The following ATRNL1 variants were observed in gnomAD, a reference collection of about 807,000 sequenced individuals.
ATRNL1 encodes attractin-like protein 1.
ATRNL1 carries 95 observed loss-of-function variants against 182.7 expected under a neutral mutation model. The observed-to-expected ratio is 0.52, with a 90% CI of 0.44 to 0.62. The LOEUF (loss-of-function observed/expected upper bound fraction) is 0.62, where lower values mean the gene tolerates loss of function less well. Ranked by LOEUF, ATRNL1 falls within the 20% of genes least tolerant of loss-of-function variation. The pLI, the probability that ATRNL1 is intolerant of heterozygous loss-of-function variation, is 0.00. For missense variants in ATRNL1, 1,471 were observed against 1,679.5 expected, an observed-to-expected ratio of 0.88 and a Z score of 2.17; for synonymous variants, 576 against 568.3, an observed-to-expected ratio of 1.01 and a Z score of -0.19.
At chr10:115,210,135 T>C (rs1211095942) in intron 8 of ATRNL1, among the ~76,000 whole-genome samples, 3 of 151,978 alleles carry the variant, frequency 2.0e-5, no homozygotes, top group Non-Finnish European at 4.4e-5. Context: ...GTAGTGAACA[T>C]TATATTTTTA....
chr10:115,250,942 C>T (rs1486638156), intron 10 of ATRNL1, among the ~76,000 whole-genome samples: 3 of 152,132 alleles, frequency 2.0e-5, no homozygotes, highest in East Asian at 1.9e-4. Flanking sequence ...CAAAAGAGGG[C>T]GGAATTAATA....
intron 26 of ATRNL1, among the ~76,000 whole-genome samples, chr10:115,661,259 G>A (rs138033368): frequency 0.012 from 1,784 of 152,076 alleles, 36 homozygotes; most frequent in African/African-American, 0.04. Context: ...ACTGTCAAAC[G>A]TATGTCCTTT....
At chr10:115,566,909 G>A (rs1359912784) in intron 26 of ATRNL1, among the ~76,000 whole-genome samples, 1 of 151,862 alleles carries the variant, frequency 6.6e-6, no homozygotes, top group Non-Finnish European at 1.5e-5. Flanking sequence ...AAAACAATGA[G>A]TATCAACACA....
chr10:115,214,390 T>G (rs1554895723), intron 8 of ATRNL1, among the ~76,000 whole-genome samples: 1 of 151,968 alleles, frequency 6.6e-6, no homozygotes, highest in East Asian at 1.9e-4. Context: ...ACTTCATTTT[T>G]TGGAAATTAC....
intron 1 of ATRNL1, among the ~76,000 whole-genome samples, chr10:115,118,574 T>A (rs111493630): frequency 1.6e-4 from 24 of 152,220 alleles, no homozygotes; most frequent in African/African-American, 5.5e-4. Context: ...TACACCACTA[T>A]TTTAATAGCA....
In ATRNL1 at chr10:115,461,370, T is replaced by G. The variant is rs184317016; in HGVS notation, c.3323-571T>G. 2.2e-3 allele frequency among the ~76,000 whole-genome samples: 338 copies of G among 152,208 alleles called. 1 individual carries two copies. Among genetic ancestry groups the G allele is most frequent in the African/African-American group, 7.7e-3 (319 of 41,578 alleles). ...CTTTTCCCAGAATTCCTTGTATCAT[T>G]GTGAATAAAGGTCATATCTGTAAAA... On this transcript the variant is annotated intron_variant, in intron 21 of 28. Transcript: ENST00000355044.
rs1185627370 is a variant in ATRNL1 at position 115,753,329 on chromosome 10, C to T, written c.3903+25974C>T. On this transcript the variant is annotated intron_variant, in intron 27 of 28. Coordinates refer to ENST00000355044, the MANE Select transcript of ATRNL1 (RefSeq NM_207303.4). ...TCCTAATGCTATCCCTCCCCTAGTG[C>T]CTCATTCCCCAACAGGCCCCAGTGT... is the stretch of plus-strand genomic sequence containing the variant. Among the ~76,000 whole-genome samples, 6 of 15,306 alleles carry T rather than the reference C, an allele frequency of 3.9e-4. No individual in the cohort carries two copies. In the Non-Finnish European group the frequency reaches 4.6e-3, roughly 12 times the overall value. 10.0% of individuals were successfully genotyped at this position (15,306 alleles called of 152,430 possible).
chr10:115,900,809 G>A (rs1459679968), intron 28 of ATRNL1, among the ~76,000 whole-genome samples: 33 of 152,224 alleles, frequency 2.2e-4, no homozygotes, highest in African/African-American at 7.0e-4. Context: ...TATATGAAGA[G>A]CACCTATAAT....
At chr10:115,128,267 A>G (rs1289202671) in intron 4 of ATRNL1, 1 of 153,380 alleles carries the variant, frequency 6.5e-6, no homozygotes, top group African/African-American at 2.4e-5. Context: ...AAGAAAAGTA[A>G]TATTCATTGA....
chr10:115,235,274 T>C (rs1801072159), intron 9 of ATRNL1, among the ~76,000 whole-genome samples: 1 of 152,200 alleles, frequency 6.6e-6, no homozygotes, highest in Non-Finnish European at 1.5e-5. Flanking sequence ...ATTTTGATCA[T>C]TTAAAACAGT....
intron 26 of ATRNL1, among the ~76,000 whole-genome samples, chr10:115,695,742 A>G (rs1946536981): frequency 6.6e-6 from 1 of 152,188 alleles, no homozygotes; most frequent in East Asian, 1.9e-4. Context: ...TTCATTGACT[A>G]TTCCCAGCCA....
chr10:115,685,553 C>T (rs782409021), intron 26 of ATRNL1, among the ~76,000 whole-genome samples: 4 of 151,796 alleles, frequency 2.6e-5, no homozygotes, highest in Admixed American at 2.0e-4. Flanking sequence ...TTAGATAATT[C>T]GTCTTATGCC....
chr10:115,328,182 TAA>T (rs200004860), intron 18 of ATRNL1, among the ~76,000 whole-genome samples: 241 of 148,380 alleles, frequency 1.6e-3, no homozygotes, highest in African/African-American at 6.0e-3. Flanking sequence ...ATTGTAAAGA[TAA>T]TATTAATTTA....
intron 2 of ATRNL1, 55 bp from the exon 3 acceptor site, chr10:115,121,643 AT>A: frequency 3.0e-6 from 2 of 662,516 alleles, no homozygotes; most frequent in Non-Finnish European, 4.9e-6. Context: ...TTATGTATTT[AT>A]TCACTCTGTG....
chr10:115,784,787 A>C (rs559335734), intron 27 of ATRNL1, among the ~76,000 whole-genome samples: 60 of 152,284 alleles, frequency 3.9e-4, no homozygotes, highest in Non-Finnish European at 8.2e-4. Context: ...TAAAGATAGC[A>C]GTCATTGGGT....
chr10:115,450,721 T>C lies in ATRNL1; in HGVS notation c.3323-11220T>C, dbSNP rs572922960. 1.2e-4 allele frequency among the ~76,000 whole-genome samples: 18 copies of C among 152,262 alleles called. No individual in the cohort carries two copies. The East Asian group carries it at 3.5e-3, about 29-fold the overall frequency. On this transcript the variant is annotated intron_variant, in intron 21 of 28. Transcript: ENST00000355044. ...TGCCCAAAGCAATTTACAGATTCAA[T>C]GCTATTCCCATAAAACTACCAGCAG...
intron 26 of ATRNL1, among the ~76,000 whole-genome samples, chr10:115,681,559 C>A (rs1344124363): frequency 6.6e-6 from 1 of 152,070 alleles, no homozygotes; most frequent in Non-Finnish European, 1.5e-5. Context: ...ATACTAGTAT[C>A]CTTCCGTTTG....
chr10:115,926,448 C>G (rs1486365084), intron 28 of ATRNL1, among the ~76,000 whole-genome samples: 1 of 151,892 alleles, frequency 6.6e-6, no homozygotes, highest in African/African-American at 2.4e-5. Flanking sequence ...AAAAAAAACC[C>G]TCCAAAAAAT....
intron 26 of ATRNL1, among the ~76,000 whole-genome samples, chr10:115,676,900 T>C (rs1001094444): frequency 6.6e-6 from 1 of 152,056 alleles, no homozygotes; most frequent in Non-Finnish European, 1.5e-5. Context: ...TCTGAGTTTG[T>C]GTTTTTTCTG....
Sources: gnomAD v4.1 joint callset for allele counts (sites outside exome capture counted in the v4.1 genomes callset) on GRCh38, gnomAD v4.1.1 for gene constraint, MANE v1.5 for transcripts, NCBI Gene and HGNC (gene_info 2026-07-23, HGNC 2026-07-21) for gene names.